Variants in LRP1B observed in about 807,000 individuals in gnomAD.
LRP1B encodes the protein low-density lipoprotein receptor-related protein 1B.
LRP1B carries 217 observed loss-of-function variants against 556.6 expected under a neutral mutation model. That is an observed-to-expected ratio of 0.39 (90% CI 0.35 to 0.44). The LOEUF (loss-of-function observed/expected upper bound fraction) is 0.44, where lower values mean the gene tolerates loss of function less well. Among genes scored for constraint, LRP1B ranks in the 20% least tolerant of loss-of-function variants. The probability of loss-of-function intolerance (pLI) is 1.00; values close to 1 mark genes in which losing one functional copy is unlikely to be tolerated. For missense variants in LRP1B, 5,053 were observed against 5,620.8 expected, an observed-to-expected ratio of 0.90 and a Z score of 3.23; for synonymous variants, 2,047 against 1,865.8, an observed-to-expected ratio of 1.10 and a Z score of -2.50.
At chr2:141,571,949 G>A (rs574739270) in intron 2 of LRP1B, among the ~76,000 whole-genome samples, 6 of 152,096 alleles carry the variant, frequency 3.9e-5, no homozygotes, top group Admixed American at 6.5e-5. Flanking sequence ...CTGAACCGAC[G>A]ATTGATTTGA....
intron 20 of LRP1B, among the ~76,000 whole-genome samples, chr2:140,939,056 T>C (rs533767413): frequency 5.1e-4 from 77 of 152,138 alleles, no homozygotes; most frequent in South Asian, 4.4e-3. Context: ...ATTAGTCTTG[T>C]ATATTATGAT....
intron 1 of LRP1B, among the ~76,000 whole-genome samples, chr2:142,015,547 C>T (rs1703092779): frequency 6.6e-6 from 1 of 152,128 alleles, no homozygotes; most frequent in Non-Finnish European, 1.5e-5. Context: ...GAAAGAGCTT[C>T]TGCACAACAA....
intron 63 of LRP1B, among the ~76,000 whole-genome samples, chr2:140,444,945 CAT>C (rs1194615122): frequency 2.6e-5 from 4 of 151,888 alleles, no homozygotes; most frequent in African/African-American, 7.3e-5. Context: ...ATTTAAAAAA[CAT>C]ATAAAAGTCT....
At chr2:140,574,922 C>A (rs1196616595) in intron 43 of LRP1B, among the ~76,000 whole-genome samples, 1 of 152,136 alleles carries the variant, frequency 6.6e-6, no homozygotes, top group Non-Finnish European at 1.5e-5. Flanking sequence ...GCATTCATAG[C>A]AAATAATTTG....
At chr2:142,128,309 T>C (rs996568164) in intron 1 of LRP1B, among the ~76,000 whole-genome samples, 5 of 152,288 alleles carry the variant, frequency 3.3e-5, no homozygotes, top group Middle Eastern at 3.4e-3. Flanking sequence ...AGAACCTAAA[T>C]GTGAATTCTC....
intron 2 of LRP1B, among the ~76,000 whole-genome samples, chr2:141,713,585 T>A (rs1283246493): frequency 6.6e-6 from 1 of 152,194 alleles, no homozygotes; most frequent in African/African-American, 2.4e-5. Flanking sequence ...CAAAGCTTTT[T>A]GTGAGCACTT....
chr2:140,818,960 A>G (rs1293832005), intron 31 of LRP1B, among the ~76,000 whole-genome samples: 3 of 135,104 alleles, frequency 2.2e-5, no homozygotes, highest in Admixed American at 7.6e-5. Flanking sequence ...AAAAAAAAAA[A>G]GAGAATGTGC....
Position 141,020,042 on chromosome 2 carries a change from T to A in LRP1B, c.1850A>T (p.Asn617Ile). ...ATTAATGGTTTTCCTATGGCCATCA[T>A]TGGTCCAGTAAAGATTATTTCCAAT... The part of the protein sequence containing the change: ...DWIGNNLYWT[N>I]DGHRKTINVA... Residue 617 changes from asparagine to isoleucine, a missense_variant, in exon 12 of 91, where the codon AAT becomes ATT. Asn to Ile is a moderately radical substitution (Grantham distance 149, BLOSUM62 -3). Coordinates refer to ENST00000389484, the MANE Select transcript of LRP1B (RefSeq NM_018557.3). 1 of 1,612,052 alleles carries A rather than the reference T, an allele frequency of 6.2e-7. No homozygotes were observed. The highest frequency in any genetic ancestry group is 8.5e-7 in the Non-Finnish European group (1 of 1,178,686).
chr2:141,422,860 G>C (rs901891981), intron 3 of LRP1B, among the ~76,000 whole-genome samples: 1 of 152,128 alleles, frequency 6.6e-6, no homozygotes, highest in African/African-American at 2.4e-5. Flanking sequence ...AAGAGATTCA[G>C]GTGGAAGCAT....
At chr2:140,831,647 G>A (rs1320857686) in intron 31 of LRP1B, among the ~76,000 whole-genome samples, 3 of 152,078 alleles carry the variant, frequency 2.0e-5, no homozygotes, top group African/African-American at 7.2e-5. Flanking sequence ...AAAAGCACAG[G>A]CAACAAAAGC....
chr2:141,529,653 C>T lies in LRP1B; in HGVS notation c.206-49120G>A, dbSNP rs535841718. On this transcript the variant is annotated intron_variant, in intron 2 of 90. Transcript: ENST00000389484. ...AATTTTTCTGTAAATTTTCTATTTA[C>T]ATTCTATTTTACATTGCAAATGAAC... Among the ~76,000 whole-genome samples, 4 of 152,034 alleles carry T rather than the reference C, an allele frequency of 2.6e-5. No individual in the cohort carries two copies. In the East Asian group the frequency reaches 7.8e-4, roughly 29 times the overall value.
intron 2 of LRP1B, among the ~76,000 whole-genome samples, chr2:141,723,652 T>A (rs1692924045): frequency 6.6e-6 from 1 of 151,904 alleles, no homozygotes; most frequent in South Asian, 2.1e-4. Flanking sequence ...ATTTTAAAGA[T>A]CTTTGTTTCT....
chr2:141,409,899 G>GA lies in LRP1B; in HGVS notation c.343+70496dup, dbSNP rs1348191693. Among the ~76,000 whole-genome samples, 9 of 151,964 alleles carry GA rather than the reference G, an allele frequency of 5.9e-5. 1 individual carries two copies. The highest frequency in any genetic ancestry group is 2.2e-4 in the African/African-American group (9 of 41,506). On this transcript the variant is annotated intron_variant, in intron 3 of 90. Transcript: ENST00000389484. ...CTTGAGAAGAGAGAATGCTTGGCAAGAAAAAACAAAGTATACATAGTTGGA... is the reference window on the plus strand; with the variant it reads ...CTTGAGAAGAGAGAATGCTTGGCAAGAAAAAAACAAAGTATACATAGTTGGA...
At chr2:142,092,450 T>C (rs1409794864) in intron 1 of LRP1B, among the ~76,000 whole-genome samples, 2 of 152,142 alleles carry the variant, frequency 1.3e-5, no homozygotes, top group East Asian at 1.9e-4. Flanking sequence ...GCCCTCAAGG[T>C]CCATAACTTT....
chr2:140,545,354 T>G (rs2105031125), intron 43 of LRP1B, among the ~76,000 whole-genome samples: 1 of 152,200 alleles, frequency 6.6e-6, no homozygotes, highest in South Asian at 2.1e-4. Flanking sequence ...TCATAAAATC[T>G]TTGCCTGTTC....
At chr2:141,196,477 G>T (rs924207368) in intron 6 of LRP1B, among the ~76,000 whole-genome samples, 1 of 151,846 alleles carries the variant, frequency 6.6e-6, no homozygotes, top group South Asian at 2.1e-4. Flanking sequence ...CTAATTTTCA[G>T]TTAAATTAAT....
intron 51 of LRP1B, among the ~76,000 whole-genome samples, chr2:140,512,492 T>C (rs1281649340): frequency 6.6e-6 from 1 of 152,168 alleles, no homozygotes; most frequent in Non-Finnish European, 1.5e-5. Flanking sequence ...CCAACTCGGA[T>C]AATAATATTT....
At chr2:140,274,268 T>C (rs984834038) in intron 85 of LRP1B, among the ~76,000 whole-genome samples, 156 bp downstream of exon 85, 1 of 151,984 alleles carries the variant, frequency 6.6e-6, no homozygotes, top group Admixed American at 6.6e-5. Context: ...CAAATTAAAG[T>C]GAACTAGACT....
At chr2:140,271,398 T>A (rs924064823) in intron 85 of LRP1B, among the ~76,000 whole-genome samples, 1 of 151,908 alleles carries the variant, frequency 6.6e-6, no homozygotes, top group African/African-American at 2.4e-5. Context: ...ATCACTTTGA[T>A]CCTCCCCATG....
Sources: gnomAD v4.1 joint callset for allele counts (sites outside exome capture counted in the v4.1 genomes callset) on GRCh38, gnomAD v4.1.1 for gene constraint, MANE v1.5 for transcripts, NCBI Gene and HGNC (gene_info 2026-07-23, HGNC 2026-07-21) for gene names.